Variants in DOK6 observed in about 807,000 individuals in gnomAD.
DOK6 encodes docking protein 6, also known as downstream of tyrosine kinase 6.
Under a neutral mutation model 44.0 loss-of-function variants are expected in DOK6, and 22 were observed. The observed-to-expected ratio is 0.50, with a 90% confidence interval of 0.36 to 0.71. The LOEUF is 0.71. Ranked by LOEUF, DOK6 falls within the 30% of genes least tolerant of loss-of-function variation. DOK6 has a pLI of 0.00. For synonymous variants in DOK6, 166 were observed against 145.5 expected (o/e 1.14, Z -1.01); for missense variants, 340 against 416.4 (o/e 0.82, Z 1.60).
chr18:69,604,074 C>T (rs1983940390), intron 3 of DOK6, among the ~76,000 whole-genome samples: 1 of 151,948 alleles, frequency 6.6e-6, no homozygotes, highest in Admixed American at 6.6e-5. Flanking sequence ...AATTTGAATC[C>T]ATAATTTAAA....
chr18:69,709,189 T>G (rs1488258139), intron 5 of DOK6, among the ~76,000 whole-genome samples: 2 of 152,314 alleles, frequency 1.3e-5, no homozygotes, highest in East Asian at 3.9e-4. Context: ...TGGTGTCACT[T>G]ACTTTAATGG....
intron 7 of DOK6, among the ~76,000 whole-genome samples, chr18:69,824,208 A>G (rs1462727018): frequency 5.8e-5 from 1 of 17,134 alleles, no homozygotes. Flanking sequence ...CCCCCACCCC[A>G]CAACAGGCCC....
intron 1 of DOK6, among the ~76,000 whole-genome samples, chr18:69,463,992 T>A (rs1339010405): frequency 6.6e-6 from 1 of 152,204 alleles, no homozygotes; most frequent in African/African-American, 2.4e-5. Flanking sequence ...TTTTGTTACT[T>A]AAATTGCTCC....
intron 1 of DOK6, among the ~76,000 whole-genome samples, chr18:69,423,452 A>T (rs1978551950): frequency 6.6e-6 from 1 of 152,204 alleles, no homozygotes. Flanking sequence ...CAACCGTTGT[A>T]TTGTCCTCTA....
intron 1 of DOK6, among the ~76,000 whole-genome samples, chr18:69,513,390 G>A (rs62095295): frequency 0.4 from 61,476 of 151,882 alleles, 13,408 homozygotes; most frequent in Non-Finnish European, 0.49. Context: ...ACGCACACAC[G>A]CACACTCTCT....
chr18:69,641,179 C>T (rs1481399206), intron 3 of DOK6, among the ~76,000 whole-genome samples: 2 of 151,276 alleles, frequency 1.3e-5, no homozygotes, highest in East Asian at 3.9e-4. Flanking sequence ...CATGCTACTG[C>T]ACTCCAGCCT....
In DOK6 at chr18:69,739,067, T is replaced by C; in HGVS notation, c.702T>C (p.His234=). The C allele has an allele frequency of 6.2e-7, 1 of 1,614,018 alleles. No homozygotes were observed. The highest frequency in any genetic ancestry group is 8.5e-7 in the Non-Finnish European group (1 of 1,179,914). Residue 234 remains histidine, a synonymous_variant, in exon 6 of 8, where the codon CAT becomes CAC. Coordinates refer to ENST00000382713, the MANE Select transcript of DOK6 (RefSeq NM_152721.6). The part of the protein sequence containing the change: ...HSATLAIAEQ[H]ERLMLEMEQK... ...CGACACTGGCCATAGCTGAGCAACA[T>C]GAAAGATTAATGCTAGAAATGGAAC...
chr18:69,649,700 A>C (rs942471304), intron 3 of DOK6, among the ~76,000 whole-genome samples: 1 of 152,206 alleles, frequency 6.6e-6, no homozygotes, highest in Admixed American at 6.5e-5. Flanking sequence ...ATGGAAATCA[A>C]GGACAAAGAA....
intron 1 of DOK6, among the ~76,000 whole-genome samples, chr18:69,540,705 A>G (rs1239426866): frequency 1.3e-5 from 2 of 152,084 alleles, no homozygotes; most frequent in Non-Finnish European, 2.9e-5. Flanking sequence ...AAAATTATAG[A>G]CTTTTGATAA....
intron 3 of DOK6, among the ~76,000 whole-genome samples, chr18:69,653,791 C>G (rs903493902): frequency 6.6e-6 from 1 of 152,160 alleles, no homozygotes; most frequent in Non-Finnish European, 1.5e-5. Context: ...AGATAAACAT[C>G]ATTGAGATCC....
At chr18:69,458,957 G>A (rs1320242217) in intron 1 of DOK6, among the ~76,000 whole-genome samples, 2 of 151,934 alleles carry the variant, frequency 1.3e-5, no homozygotes, top group South Asian at 2.1e-4. Context: ...TGAGCTGAGT[G>A]TGGTGGCAGG....
chr18:69,549,206 T>A (rs555694520), intron 1 of DOK6, among the ~76,000 whole-genome samples: 2 of 151,700 alleles, frequency 1.3e-5, no homozygotes, highest in African/African-American at 4.8e-5. Context: ...ACTTGCTTCT[T>A]AGATGCATTT....
At chr18:69,466,815 A>C (rs1015350935) in intron 1 of DOK6, among the ~76,000 whole-genome samples, 2 of 151,680 alleles carry the variant, frequency 1.3e-5, no homozygotes, top group Non-Finnish European at 2.9e-5. Context: ...GGAAAGAAGG[A>C]AGGAAGAAAG....
rs551230851 is a variant in DOK6 at position 69,644,048 on chromosome 18, C to T, written c.290-33686C>T. Among the ~76,000 whole-genome samples the T allele has an allele frequency of 4.6e-5, 7 of 152,188 alleles. No homozygotes were observed. The South Asian group carries it at 1.5e-3, about 32-fold the overall frequency. ...AGTGCTTATTTGCCATCCATATATC[C>T]TCTTCATTCAAATGTCTGTTCACGT... On this transcript the variant is annotated intron_variant, in intron 3 of 7. Coordinates refer to ENST00000382713, the MANE Select transcript of DOK6 (RefSeq NM_152721.6).
chr18:69,580,338 G>A (rs982119802), intron 2 of DOK6, among the ~76,000 whole-genome samples: 1 of 152,164 alleles, frequency 6.6e-6, no homozygotes, highest in African/African-American at 2.4e-5. Flanking sequence ...TCAGCAACTA[G>A]AGGCTGTTGC....
intron 1 of DOK6, among the ~76,000 whole-genome samples, chr18:69,493,305 G>A (rs557249599): frequency 6.6e-5 from 10 of 152,242 alleles, no homozygotes; most frequent in Admixed American, 2.0e-4. Flanking sequence ...GGTTCAAACA[G>A]GCAGTAAACA....
intron 2 of DOK6, among the ~76,000 whole-genome samples, chr18:69,592,842 C>A (rs4891756): frequency 0.87 from 132,876 of 152,132 alleles, 60,865 homozygotes; most frequent in East Asian, 1. Context: ...AATTTTAATA[C>A]ATGTTGATAA....
chr18:69,539,413 TA>T (rs905416811), intron 1 of DOK6, among the ~76,000 whole-genome samples: 8 of 150,016 alleles, frequency 5.3e-5, no homozygotes, highest in East Asian at 1.9e-4. Flanking sequence ...TTTGTGAAGA[TA>T]AAAAAAAGTG....
intron 7 of DOK6, among the ~76,000 whole-genome samples, chr18:69,789,071 A>T (rs1031243576): frequency 1.3e-5 from 2 of 152,186 alleles, no homozygotes; most frequent in African/African-American, 4.8e-5. Flanking sequence ...CTTTTTAAGA[A>T]ATCCTTTCCA....
Sources: gnomAD v4.1 joint callset for allele counts (sites outside exome capture counted in the v4.1 genomes callset) on GRCh38, gnomAD v4.1.1 for gene constraint, MANE v1.5 for transcripts, NCBI Gene and HGNC (gene_info 2026-07-23, HGNC 2026-07-21) for gene names.